MAPK10: variants seen among roughly 807,000 people sequenced by gnomAD.
MAPK10 encodes the protein JNK3 alpha protein kinase.
A neutral mutation model predicts 59.3 loss-of-function variants in MAPK10; 25 were observed. The observed-to-expected ratio is 0.42, with a 90% CI of 0.31 to 0.59. The LOEUF is 0.59. Among genes scored for constraint, MAPK10 ranks in the 20% least tolerant of loss-of-function variants. The pLI is 0.15. For missense variants in MAPK10, 351 were observed against 568.9 expected (o/e 0.62, Z 3.90); for synonymous variants, 190 against 200.5 (o/e 0.95, Z 0.44).
At chr4:86,400,368 G>A (rs1743535618) in intron 1 of MAPK10, among the ~76,000 whole-genome samples, 1 of 152,058 alleles carries the variant, frequency 6.6e-6, no homozygotes, top group Non-Finnish European at 1.5e-5. Context: ...CAAACCCTGA[G>A]AACATTACTA....
chr4:86,030,004 C>A (rs1277036041), intron 12 of MAPK10, among the ~76,000 whole-genome samples: 2 of 152,170 alleles, frequency 1.3e-5, no homozygotes, highest in Admixed American at 6.5e-5. Context: ...CCGCCCTACT[C>A]ATTCTTGCTT....
chr4:86,195,242 T>C (rs1441562399), intron 2 of MAPK10, among the ~76,000 whole-genome samples: 2 of 152,200 alleles, frequency 1.3e-5, no homozygotes, highest in African/African-American at 2.4e-5. Flanking sequence ...TAAACACACT[T>C]TGTTGAATGC....
intron 3 of MAPK10, 70 bp downstream of exon 3, chr4:86,194,266 C>G: frequency 8.6e-7 from 1 of 1,169,058 alleles, no homozygotes; most frequent in Non-Finnish European, 1.3e-6. Flanking sequence ...GGAATGTATG[C>G]AAATGGTATG....
intron 11 of MAPK10, among the ~76,000 whole-genome samples, chr4:86,063,074 A>G (rs2046028797): frequency 1.3e-5 from 2 of 152,186 alleles, no homozygotes; most frequent in Admixed American, 1.3e-4. Flanking sequence ...TGGGAGATTC[A>G]TTAATCACTT....
intron 2 of MAPK10, among the ~76,000 whole-genome samples, chr4:86,297,466 C>T (rs890895689): frequency 2.0e-5 from 3 of 152,092 alleles, no homozygotes; most frequent in African/African-American, 7.2e-5. Context: ...GTGCCCACCA[C>T]CAAGGTCGGC....
At chr4:86,340,759 A>G (rs1271446782) in intron 2 of MAPK10, among the ~76,000 whole-genome samples, 1 of 151,848 alleles carries the variant, frequency 6.6e-6, no homozygotes, top group Non-Finnish European at 1.5e-5. Context: ...CAAAAAGGAA[A>G]CTCCCTTCTG....
chr4:86,547,391 A>C (rs1445446842), intron 1 of MAPK10, among the ~76,000 whole-genome samples: 2 of 152,182 alleles, frequency 1.3e-5, no homozygotes, highest in Non-Finnish European at 2.9e-5. Context: ...CCGCACTCCC[A>C]GCAGTCGGCC....
At chr4:86,107,160 A>G (rs1296790587) in intron 5 of MAPK10, 63 bp downstream of exon 5, 14 of 1,350,238 alleles carry the variant, frequency 1.0e-5, no homozygotes, top group Non-Finnish European at 1.4e-5. Context: ...AAGTACAGAC[A>G]CATTTTCTTT....
At chr4:86,044,149 C>A (rs929292537) in intron 11 of MAPK10, among the ~76,000 whole-genome samples, 5 of 152,164 alleles carry the variant, frequency 3.3e-5, no homozygotes, top group African/African-American at 1.2e-4. Flanking sequence ...ATTTCCACGT[C>A]CACTCAGAGG....
At chr4:86,425,636 G>C (rs1023960212) in intron 1 of MAPK10, among the ~76,000 whole-genome samples, 1 of 152,074 alleles carries the variant, frequency 6.6e-6, no homozygotes, top group African/African-American at 2.4e-5. Flanking sequence ...ATGTCACAGA[G>C]AGCTATATTT....
intron 1 of MAPK10, among the ~76,000 whole-genome samples, chr4:86,495,052 A>AT (rs1754772854): frequency 6.6e-6 from 1 of 151,850 alleles, no homozygotes; most frequent in Admixed American, 6.6e-5. Context: ...AACTAACACA[A>AT]TTTCTTAGAA....
chr4:86,285,001 C>G (rs1303050392), intron 2 of MAPK10, among the ~76,000 whole-genome samples: 3 of 152,148 alleles, frequency 2.0e-5, no homozygotes, highest in Non-Finnish European at 4.4e-5. Context: ...TTTACATGGC[C>G]TTTCAATGAA....
intron 1 of MAPK10, among the ~76,000 whole-genome samples, chr4:86,495,260 A>G (rs933570316): frequency 2.0e-5 from 3 of 152,184 alleles, no homozygotes; most frequent in Non-Finnish European, 2.9e-5. Context: ...TAACCAATTT[A>G]TTGGTATTTT....
chr4:86,180,154 T>C (rs969475040), intron 3 of MAPK10, among the ~76,000 whole-genome samples: 2 of 151,730 alleles, frequency 1.3e-5, no homozygotes, highest in Non-Finnish European at 2.9e-5. Context: ...AAAATCTGGA[T>C]TATAAAATAA....
chr4:86,316,309 T>C (rs1477885869), intron 2 of MAPK10, among the ~76,000 whole-genome samples: 5 of 152,316 alleles, frequency 3.3e-5, no homozygotes, highest in African/African-American at 9.6e-5. Flanking sequence ...AGCATTTATA[T>C]ATTTTTTTCT....
intron 2 of MAPK10, among the ~76,000 whole-genome samples, chr4:86,235,485 G>T (rs1233985204): frequency 6.6e-6 from 1 of 152,102 alleles, no homozygotes; most frequent in Non-Finnish European, 1.5e-5. Context: ...CTTATGCTTT[G>T]TGCTCTTTCC....
chr4:86,349,233 G>T (rs867823872), intron 2 of MAPK10, among the ~76,000 whole-genome samples: 10 of 152,288 alleles, frequency 6.6e-5, no homozygotes, highest in Middle Eastern at 3.4e-3. Flanking sequence ...TCTCTGCCAG[G>T]CTGCCTTCCA....
chr4:86,194,083 T>C (rs772245831), intron 3 of MAPK10: 3 of 463,616 alleles, frequency 6.5e-6, no homozygotes, highest in Admixed American at 3.8e-5. Flanking sequence ...GCACCCACTC[T>C]CTAACCTTTC....
intron 1 of MAPK10, among the ~76,000 whole-genome samples, chr4:86,385,726 G>A (rs1741370022): frequency 1.3e-5 from 2 of 152,110 alleles, no homozygotes; most frequent in Admixed American, 1.3e-4. Flanking sequence ...AAGATTCCCT[G>A]TAGATGCAAA....
Sources: gnomAD v4.1 joint callset for allele counts (sites outside exome capture counted in the v4.1 genomes callset) on GRCh38, gnomAD v4.1.1 for gene constraint, MANE v1.5 for transcripts, NCBI Gene and HGNC (gene_info 2026-07-23, HGNC 2026-07-21) for gene names.